The following HTR1F variants were observed in gnomAD, a reference collection of about 807,000 sequenced individuals.
The protein encoded by HTR1F is 5-hydroxytryptamine (serotonin) receptor 1F, G protein-coupled.
A neutral mutation model predicts 24.0 loss-of-function variants in HTR1F; 17 were observed. That is an observed-to-expected ratio of 0.71 (90% confidence interval 0.48 to 1.06). HTR1F has a LOEUF of 1.06. Among genes scored for constraint, HTR1F ranks in the 50% least tolerant of loss-of-function variants. The pLI is 0.00. For missense variants in HTR1F, 391 were observed against 427.8 expected, an observed-to-expected ratio of 0.91 and a Z score of 0.76; for synonymous variants, 186 against 156.8, an observed-to-expected ratio of 1.19 and a Z score of -1.39.
chr3:87,908,198 C>A (rs1393868089), intron 2 of HTR1F, among the ~76,000 whole-genome samples: 1 of 151,916 alleles, frequency 6.6e-6, no homozygotes. Flanking sequence ...TACTATTAAT[C>A]TATCATAAGA....
chr3:87,851,577 A>G (rs1446628894), intron 2 of HTR1F, among the ~76,000 whole-genome samples: 1 of 151,674 alleles, frequency 6.6e-6, no homozygotes, highest in Non-Finnish European at 1.5e-5. Flanking sequence ...TTTCAGGCCA[A>G]CTATGCTAAC....
intron 2 of HTR1F, among the ~76,000 whole-genome samples, chr3:87,927,401 C>A (rs766048537): frequency 6.6e-6 from 1 of 152,068 alleles, no homozygotes; most frequent in Non-Finnish European, 1.5e-5. Context: ...ATATGCTCAG[C>A]AGTCCATATT....
rs1399499503 is a variant in HTR1F, at chr3:87,991,166, T to C, written c.417T>C (p.His139=). ...ATGCCAGGAAAAGGACTCCAAAGCA[T>C]GCTGGCATTATGATTACAATAGTTT... The part of the protein sequence containing the change: ...VEYARKRTPK[H]AGIMITIVWI... Residue 139 remains histidine (H), a synonymous_variant, in exon 3 of 3, where the codon CAT becomes CAC. Transcript: ENST00000319595. 11 of 1,614,110 alleles carry C rather than the reference T, an allele frequency of 6.8e-6. No homozygotes were observed. Among genetic ancestry groups the C allele is most frequent in the Non-Finnish European group, 8.5e-6 (10 of 1,180,010 alleles).
intron 2 of HTR1F, among the ~76,000 whole-genome samples, chr3:87,906,698 C>T (rs1316839070): frequency 1.3e-5 from 2 of 151,514 alleles, no homozygotes; most frequent in Non-Finnish European, 2.9e-5. Flanking sequence ...CCCCCTCTCA[C>T]TCATTCCCCC....
At chr3:87,946,691 G>A (rs542469726) in intron 2 of HTR1F, among the ~76,000 whole-genome samples, 22 of 150,048 alleles carry the variant, frequency 1.5e-4, no homozygotes, top group South Asian at 2.1e-4. Flanking sequence ...GCACAATCTC[G>A]GGCTGCTCAC....
chr3:87,871,741 A>T (rs1232689279), intron 2 of HTR1F, among the ~76,000 whole-genome samples: 1 of 152,182 alleles, frequency 6.6e-6, no homozygotes, highest in Non-Finnish European at 1.5e-5. Context: ...TCTATAGGCC[A>T]GAAGGGAGCA....
intron 2 of HTR1F, among the ~76,000 whole-genome samples, chr3:87,844,213 T>C (rs1704881876): frequency 6.6e-6 from 1 of 151,846 alleles, no homozygotes; most frequent in South Asian, 2.1e-4. Context: ...TTTTAATGAT[T>C]GCCATTCTAA....
At chr3:87,887,404 C>A (rs1005023947) in intron 2 of HTR1F, among the ~76,000 whole-genome samples, 9 of 152,208 alleles carry the variant, frequency 5.9e-5, no homozygotes, top group Admixed American at 2.0e-4. Context: ...CCATTCATGA[C>A]ATAGGCATGG....
At chr3:87,949,011 T>C (rs1462730663) in intron 2 of HTR1F, among the ~76,000 whole-genome samples, 1 of 152,194 alleles carries the variant, frequency 6.6e-6, no homozygotes, top group Non-Finnish European at 1.5e-5. Flanking sequence ...GTAAACCAAA[T>C]TGTGTATCTA....
In HTR1F at chr3:87,792,793, G is replaced by A. The variant is rs1575874576; in HGVS notation, c.-209G>A. On this transcript the variant is annotated 5_prime_UTR_variant, in exon 1 of 3. Coordinates refer to ENST00000319595, the MANE Select transcript of HTR1F (RefSeq NM_001322209.2). ...TCGCCCCTGCCCTCCCGCGCCCCGG[G>A]GCTGGGGGCGCCACCTTGCCAGCTC... Among the ~76,000 whole-genome samples the A allele has an allele frequency of 6.6e-6, 1 of 152,330 alleles. No homozygotes were observed. The highest frequency in any genetic ancestry group is 2.4e-5 in the African/African-American group (1 of 41,584).
intron 1 of HTR1F, among the ~76,000 whole-genome samples, chr3:87,820,606 C>T (rs1704341002): frequency 6.6e-6 from 1 of 151,900 alleles, no homozygotes; most frequent in Non-Finnish European, 1.5e-5. Context: ...AATAATTATT[C>T]AATAGCACTT....
chr3:87,805,322 A>C (rs929836532), intron 1 of HTR1F, among the ~76,000 whole-genome samples: 2 of 152,074 alleles, frequency 1.3e-5, no homozygotes, highest in Non-Finnish European at 2.9e-5. Context: ...TTAGAATAGC[A>C]GTTTGAGTAT....
chr3:87,962,345 G>C (rs1003503881), intron 2 of HTR1F, among the ~76,000 whole-genome samples: 9 of 152,006 alleles, frequency 5.9e-5, no homozygotes, highest in African/African-American at 2.2e-4. Context: ...AGGTACAAAA[G>C]CTATTTCAAA....
At chr3:87,870,058 G>T (rs1327164391) in intron 2 of HTR1F, among the ~76,000 whole-genome samples, 3 of 151,946 alleles carry the variant, frequency 2.0e-5, no homozygotes, top group Admixed American at 2.0e-4. Context: ...ATGAAATTAT[G>T]TTTACATTGA....
chr3:87,840,642 C>A (rs1704782273), intron 2 of HTR1F, among the ~76,000 whole-genome samples: 1 of 150,098 alleles, frequency 6.7e-6, no homozygotes, highest in Admixed American at 6.6e-5. Context: ...AAGATATCCA[C>A]ACCCCCATAT....
intron 2 of HTR1F, among the ~76,000 whole-genome samples, chr3:87,901,973 A>T (rs1706334114): frequency 6.6e-6 from 1 of 152,138 alleles, no homozygotes; most frequent in Admixed American, 6.5e-5. Context: ...CATAGTTAGA[A>T]AGCCTCAATA....
At chr3:87,827,811 G>A (rs1704496072) in intron 2 of HTR1F, among the ~76,000 whole-genome samples, 1 of 152,164 alleles carries the variant, frequency 6.6e-6, no homozygotes, top group Admixed American at 6.5e-5. Context: ...AAAGGGTGAG[G>A]TGATCTAGGA....
At chr3:87,889,612 G>C (rs563769811) in intron 2 of HTR1F, among the ~76,000 whole-genome samples, 4 of 152,286 alleles carry the variant, frequency 2.6e-5, no homozygotes, top group African/African-American at 9.6e-5. Context: ...ATGTTAGGCA[G>C]TTAAAAGATC....
At chr3:87,936,599 G>T (rs764962086) in intron 2 of HTR1F, among the ~76,000 whole-genome samples, 1 of 151,964 alleles carries the variant, frequency 6.6e-6, no homozygotes, top group African/African-American at 2.4e-5. Flanking sequence ...TTCTGACCAC[G>T]GTTTCAGCAA....
Sources: gnomAD v4.1 joint callset for allele counts (sites outside exome capture counted in the v4.1 genomes callset) on GRCh38, gnomAD v4.1.1 for gene constraint, MANE v1.5 for transcripts, NCBI Gene and HGNC (gene_info 2026-07-23, HGNC 2026-07-21) for gene names.